CPT1A: variants seen among roughly 807,000 people sequenced by gnomAD.
The protein encoded by CPT1A is carnitine palmitoyltransferase 1A.
A neutral mutation model predicts 100.8 loss-of-function variants in CPT1A; 64 were observed. That is an observed-to-expected ratio of 0.63 (90% CI 0.52 to 0.78). The LOEUF is 0.78. Among genes scored for constraint, CPT1A ranks in the 30% least tolerant of loss-of-function variants. The pLI, the probability that CPT1A is intolerant of heterozygous loss-of-function variation, is 0.00. For missense variants in CPT1A, 802 were observed against 1,034.1 expected (o/e 0.78, Z 3.08); for synonymous variants, 363 against 396.0 (o/e 0.92, Z 0.99).
Position 68,755,307 on chromosome 11 carries a change from C to T in CPT1A, c.*2337G>A, listed in dbSNP as rs1172310157. 2 of 158,056 alleles carry T rather than the reference C, an allele frequency of 1.3e-5. No homozygotes were observed. The highest frequency in any genetic ancestry group is 1.3e-4 in the Admixed American group (2 of 15,606). The allele number at this position is 158,056 out of a possible 1,614,324, so 9.8% of individuals were successfully genotyped here. ...AGCTGGCTCTGATAGGGACTGACGC[C>T]GGCTGCTGGCTTTTAACGGGAAGTG... is the stretch of plus-strand genomic sequence containing the variant. On this transcript the variant is annotated 3_prime_UTR_variant, in exon 19 of 19. Coordinates refer to ENST00000265641, the MANE Select transcript of CPT1A (RefSeq NM_001876.4).
chr11:68,802,955 A>G (rs1379774403), intron 5 of CPT1A, among the ~76,000 whole-genome samples: 1 of 151,908 alleles, frequency 6.6e-6, no homozygotes, highest in Non-Finnish European at 1.5e-5. Flanking sequence ...TTTGAGGATG[A>G]AATGACAGGC....
Position 68,756,201 on chromosome 11 carries a change from G to A in CPT1A, c.*1443C>T, listed in dbSNP as rs2153994367. On this transcript the variant is annotated 3_prime_UTR_variant, in exon 19 of 19. Coordinates refer to ENST00000265641, the MANE Select transcript of CPT1A (RefSeq NM_001876.4). ...TTCAGCCATCGCTGTTGTACTATCG[G>A]GGTGCAGCACTCTGAAGGAGTCAGG... The A allele has an allele frequency of 6.6e-6, 1 of 152,008 alleles. No individual in the cohort carries two copies. Among genetic ancestry groups the A allele is most frequent in the African/African-American group, 2.4e-5 (1 of 41,448 alleles). 9.4% of individuals were successfully genotyped at this position (152,008 alleles called of 1,614,324 possible). A position where few individuals can be genotyped will look rare whatever the true frequency, so the allele number is the denominator to read the frequency against.
chr11:68,770,259 A>G (rs1481673005), intron 14 of CPT1A, among the ~76,000 whole-genome samples: 1 of 152,046 alleles, frequency 6.6e-6, no homozygotes, highest in Non-Finnish European at 1.5e-5. Flanking sequence ...CGTTTCTATT[A>G]CATTCTCTTA....
At chr11:68,819,102 G>A (rs1408958588) in intron 1 of CPT1A, among the ~76,000 whole-genome samples, 3 of 151,754 alleles carry the variant, frequency 2.0e-5, no homozygotes, top group African/African-American at 4.8e-5. Context: ...TTTTTGAGAC[G>A]GAGTCTCACT....
chr11:68,805,402 G>A (rs1856014284), intron 4 of CPT1A, among the ~76,000 whole-genome samples: 1 of 151,668 alleles, frequency 6.6e-6, no homozygotes, highest in Non-Finnish European at 1.5e-5. Flanking sequence ...AATGAGCCGA[G>A]ATTGCACCAC....
rs981690818 is a variant in CPT1A at position 68,757,497 on chromosome 11, A to G, written c.*147T>C. The G allele has an allele frequency of 4.0e-6, 6 of 1,505,466 alleles. No individual in the cohort carries two copies. Among genetic ancestry groups the G allele is most frequent in the Non-Finnish European group, 5.3e-6 (6 of 1,129,210 alleles). The allele number at this position is 1,505,466 out of a possible 1,614,324, so 93.3% of individuals were successfully genotyped here. A position where few individuals can be genotyped will look rare whatever the true frequency, so the allele number is the denominator to read the frequency against. ...CACAGGGGAGAGATACTGTTCTAGGAAAAAAAAACACCCACATTTTCTGGA... is the reference window on the plus strand; with the variant it reads ...CACAGGGGAGAGATACTGTTCTAGGGAAAAAAAACACCCACATTTTCTGGA... On this transcript the variant is annotated 3_prime_UTR_variant, in exon 19 of 19. Transcript: ENST00000265641.
At chr11:68,815,575 C>A in intron 1 of CPT1A, 88 bp from the exon 2 acceptor site, 1 of 1,307,862 alleles carries the variant, frequency 7.6e-7, no homozygotes, top group Non-Finnish European at 1.1e-6. Context: ...TCCTTCTGAA[C>A]TTAAGTTCTT....
intron 13 of CPT1A, chr11:68,774,007 A>G (rs570882318): frequency 8.0e-4 from 132 of 165,960 alleles, no homozygotes; most frequent in Non-Finnish European, 1.5e-3. Context: ...CGCTGGAGCC[A>G]CTGTGCATGC....
At position 68,781,837 on chromosome 11, in the gene CPT1A, C is replaced by T; in HGVS notation, c.1286G>A (p.Ser429Asn). 1 of 1,614,132 alleles carries T rather than the reference C, an allele frequency of 6.2e-7. No homozygotes were observed. Among genetic ancestry groups the T allele is most frequent in the Non-Finnish European group, 8.5e-7 (1 of 1,180,036 alleles). Residue 429 changes from serine to asparagine, a missense_variant, in exon 11 of 19, where the codon AGT becomes AAT. Coordinates refer to ENST00000265641, the MANE Select transcript of CPT1A (RefSeq NM_001876.4). ...GTCCATTGACGTATCCGGGTCTTCA[C>T]TTCTGTATCCTTCTTCAGTTTCATC... ...TLDETEEGYR[S>N]EDPDTSMDSY...
chr11:68,824,696 C>T (rs1157668136), intron 1 of CPT1A, among the ~76,000 whole-genome samples: 1 of 150,968 alleles, frequency 6.6e-6, no homozygotes, highest in Non-Finnish European at 1.5e-5. Flanking sequence ...TAGTTGAGAC[C>T]GTGGGTGTGA....
At chr11:68,830,706 C>T (rs996158085) in intron 1 of CPT1A, among the ~76,000 whole-genome samples, 2 of 152,184 alleles carry the variant, frequency 1.3e-5, no homozygotes. Context: ...CTAACTGGCT[C>T]GCAGCTGGGA....
chr11:68,841,810 A>G lies in CPT1A; in HGVS notation c.-49T>C, dbSNP rs1000188907. ...ACGGAGGTGCGGCAGCGGCAGCGGC[A>G]GCGGCGGCGGCGGCGGCGGCGGTGG... On this transcript the variant is annotated 5_prime_UTR_variant, in exon 1 of 19. Transcript: ENST00000265641. This position sits in a 1 kb window ranked among gnomAD's most constrained non-coding sequence, Gnocchi z 6.3. 826 of 993,494 alleles carry G rather than the reference A, an allele frequency of 8.3e-4. 2 individuals are homozygous for G. Among genetic ancestry groups the G allele is most frequent in the African/African-American group, 5.7e-3 (323 of 57,088 alleles). The allele number at this position is 993,494 out of a possible 1,614,324, so 61.5% of individuals were successfully genotyped here. A position where few individuals can be genotyped will look rare whatever the true frequency, so the allele number is the denominator to read the frequency against.
At chr11:68,775,115 T>C (rs1566350252) in intron 13 of CPT1A, among the ~76,000 whole-genome samples, 1 of 152,120 alleles carries the variant, frequency 6.6e-6, no homozygotes. Context: ...AGAAGAAATA[T>C]TTACCGAGGC....
Position 68,815,703 on chromosome 11 carries a change from A to G in CPT1A, c.-13-216T>C, listed in dbSNP as rs548666027. On this transcript the variant is annotated intron_variant, in intron 1 of 18. Transcript: ENST00000265641. ...AGTCGCCACCTCTGCTTAGAGCCCCAAGATGATCATCAGGAGTCAGGCCCG... is the reference window on the plus strand; with the variant it reads ...AGTCGCCACCTCTGCTTAGAGCCCCGAGATGATCATCAGGAGTCAGGCCCG... Among the ~76,000 whole-genome samples the G allele has an allele frequency of 2.8e-3, 427 of 152,286 alleles. 1 individual carries two copies. Among genetic ancestry groups the G allele is most frequent in the Middle Eastern group, 0.01 (3 of 294 alleles).
chr11:68,772,289 G>C (rs1855011183), intron 14 of CPT1A, among the ~76,000 whole-genome samples: 1 of 152,116 alleles, frequency 6.6e-6, no homozygotes, highest in African/African-American at 2.4e-5. Flanking sequence ...GGAGGTGGAG[G>C]TTGCAGTGAG....
intron 6 of CPT1A, among the ~76,000 whole-genome samples, chr11:68,797,959 C>T (rs969256241): frequency 2.0e-5 from 3 of 152,122 alleles, no homozygotes; most frequent in East Asian, 1.9e-4. Context: ...GCCTGGGTGA[C>T]GAGCGAGACT....
At chr11:68,813,686 G>A (rs1252564091) in intron 2 of CPT1A, among the ~76,000 whole-genome samples, 1 of 127,908 alleles carries the variant, frequency 7.8e-6, no homozygotes, top group East Asian at 2.5e-4. Context: ...AACAGAGCAA[G>A]ACCCTGTCTC....
chr11:68,823,598 G>C (rs894606451), intron 1 of CPT1A, among the ~76,000 whole-genome samples: 1 of 151,880 alleles, frequency 6.6e-6, no homozygotes, highest in Non-Finnish European at 1.5e-5. Flanking sequence ...AGAACAGCCT[G>C]ACCGACATGG....
chr11:68,760,454 A>C, intron 16 of CPT1A, 116 bp from the exon 17 acceptor site: 1 of 759,360 alleles, frequency 1.3e-6, no homozygotes, highest in Non-Finnish European at 2.2e-6. Flanking sequence ...ACACACCACA[A>C]GTCTATGTCT....
Sources: gnomAD v4.1 joint callset for allele counts (sites outside exome capture counted in the v4.1 genomes callset) on GRCh38, gnomAD v4.1.1 for gene constraint, Gnocchi (gnomAD v3.1) non-coding constraint, MANE v1.5 for transcripts, NCBI Gene and HGNC (gene_info 2026-07-23, HGNC 2026-07-21) for gene names.